SMURF1: variants seen among roughly 807,000 people sequenced by gnomAD.
SMURF1 encodes SMAD specific E3 ubiquitin protein ligase 1, also known as E3 ubiquitin-protein ligase SMURF1.
In SMURF1, 44 loss-of-function variants were observed where a neutral mutation model predicts 98.0. The observed-to-expected ratio is 0.45, with a 90% CI of 0.35 to 0.58. The LOEUF (loss-of-function observed/expected upper bound fraction) is 0.58, where lower values mean the gene tolerates loss of function less well. SMURF1 is among the 20% of genes least tolerant of loss of function. SMURF1 has a pLI of 0.00. For missense variants in SMURF1, 687 were observed against 938.4 expected (o/e 0.73, Z 3.50); for synonymous variants, 396 against 374.9 (o/e 1.06, Z -0.65).
intron 1 of SMURF1, among the ~76,000 whole-genome samples, chr7:99,082,794 T>C (rs1357642243): frequency 6.6e-6 from 1 of 152,210 alleles, no homozygotes; most frequent in Non-Finnish European, 1.5e-5. Context: ...ATAGGTACAG[T>C]GCTGCATCTG....
At chr7:99,110,123 A>T (rs1797286477) in intron 1 of SMURF1, among the ~76,000 whole-genome samples, 1 of 152,252 alleles carries the variant, frequency 6.6e-6, no homozygotes, top group East Asian at 1.9e-4. Context: ...TAATTCAGTA[A>T]GATAACTGGG....
At chr7:99,095,234 C>T (rs372410068) in intron 1 of SMURF1, among the ~76,000 whole-genome samples, 217 of 152,250 alleles carry the variant, frequency 1.4e-3, no homozygotes, top group African/African-American at 5.0e-3. Flanking sequence ...CATGCGCCAC[C>T]ATGTCCGGCT....
At chr7:99,092,532 G>A (rs73399262) in intron 1 of SMURF1, among the ~76,000 whole-genome samples, 1 of 152,246 alleles carries the variant, frequency 6.6e-6, no homozygotes, top group African/African-American at 2.4e-5. Context: ...GCAACAACGC[G>A]CCTTCTCGTT....
intron 1 of SMURF1, among the ~76,000 whole-genome samples, chr7:99,092,844 T>C (rs563543714): frequency 6.6e-6 from 1 of 152,132 alleles, no homozygotes; most frequent in African/African-American, 2.4e-5. Flanking sequence ...TCGAAGACAA[T>C]GTTGCAACTT....
chr7:99,065,711 T>C (rs1796171929), intron 1 of SMURF1, among the ~76,000 whole-genome samples: 1 of 152,120 alleles, frequency 6.6e-6, no homozygotes, highest in African/African-American at 2.4e-5. Flanking sequence ...CCTAGTCCTC[T>C]CCCAGGATCC....
chr7:99,102,650 T>C (rs1262044929), intron 1 of SMURF1, among the ~76,000 whole-genome samples: 2 of 152,204 alleles, frequency 1.3e-5, no homozygotes, highest in Non-Finnish European at 2.9e-5. Flanking sequence ...ACTTTTAAAT[T>C]ATGTATATAC....
At chr7:99,089,223 T>G (rs900973281) in intron 1 of SMURF1, among the ~76,000 whole-genome samples, 4 of 144,166 alleles carry the variant, frequency 2.8e-5, no homozygotes, top group Non-Finnish European at 6.3e-5. Context: ...AAGAAAGAAA[T>G]CAATCAATCA....
chr7:99,117,404 G>C (rs1364040498), intron 1 of SMURF1, among the ~76,000 whole-genome samples: 1 of 151,872 alleles, frequency 6.6e-6, no homozygotes, highest in Non-Finnish European at 1.5e-5. Flanking sequence ...GCTTCAGTAC[G>C]ATAGCATGAT....
intron 1 of SMURF1, 49 bp downstream of exon 1, chr7:99,143,677 G>T: frequency 1.3e-6 from 2 of 1,494,294 alleles, no homozygotes. Context: ...GGAATTCCGG[G>T]GCGGGCGAGG....
intron 1 of SMURF1, among the ~76,000 whole-genome samples, chr7:99,089,064 C>T (rs1202086945): frequency 1.3e-5 from 2 of 152,014 alleles, no homozygotes; most frequent in South Asian, 2.1e-4. Context: ...ATTAGCTAGG[C>T]GTGGTGGCGT....
intron 17 of SMURF1, among the ~76,000 whole-genome samples, chr7:99,032,427 G>C (rs1794937221): frequency 6.6e-6 from 1 of 152,222 alleles, no homozygotes; most frequent in South Asian, 2.1e-4. Context: ...TCAGCACTTT[G>C]GGAGGCCGAG....
At chr7:99,047,020 T>C (rs375092124) in intron 10 of SMURF1, among the ~76,000 whole-genome samples, 3 of 152,152 alleles carry the variant, frequency 2.0e-5, no homozygotes, top group African/African-American at 7.2e-5. Context: ...TTTCTGACAG[T>C]GTCTCCACAA....
rs961347696 is a variant in SMURF1, at chr7:99,060,664, C to T, written c.138G>A (p.Gly46=). Residue 46 remains glycine, a synonymous_variant, in exon 3 of 18, where the codon GGG becomes GGA. Coordinates refer to ENST00000361368, the MANE Select transcript of SMURF1 (RefSeq NM_181349.3). ...PFAKIVVDGS[G]QCHSTDTVKN... Reference sequence around the variant, plus strand: ...TCACAGTGTCGGTTGAGTGGCACTGCCCAGACCCATCCACGACAATCTTTG... The same window carrying T: ...TCACAGTGTCGGTTGAGTGGCACTGTCCAGACCCATCCACGACAATCTTTG... 41 of 1,613,842 alleles carry T rather than the reference C, an allele frequency of 2.5e-5. No homozygotes were observed. The highest frequency in any genetic ancestry group is 3.4e-5 in the Non-Finnish European group (40 of 1,179,970).
intron 1 of SMURF1, among the ~76,000 whole-genome samples, chr7:99,125,093 ATTCG>A (rs1797717154): frequency 7.6e-6 from 1 of 130,812 alleles, no homozygotes; most frequent in Non-Finnish European, 1.7e-5. Flanking sequence ...TCATTCATTC[ATTCG>A]AGACAGGGTC....
intron 1 of SMURF1, among the ~76,000 whole-genome samples, chr7:99,086,149 C>T (rs1296378591): frequency 6.6e-6 from 1 of 151,768 alleles, no homozygotes; most frequent in African/African-American, 2.4e-5. Context: ...AGTTCGAGAC[C>T]AGCCTGGCCA....
intron 10 of SMURF1, 103 bp downstream of exon 10, chr7:99,047,581 C>A: frequency 1.7e-6 from 2 of 1,202,224 alleles, no homozygotes; most frequent in African/African-American, 3.0e-5. Flanking sequence ...CAAAGCAGTT[C>A]ATTTAAAGCA....
intron 11 of SMURF1, among the ~76,000 whole-genome samples, chr7:99,043,672 T>TG (rs1795467086): frequency 6.6e-6 from 1 of 152,206 alleles, no homozygotes; most frequent in South Asian, 2.1e-4. Context: ...ATTTGGCACA[T>TG]ATTTACAGAG....
intron 14 of SMURF1, among the ~76,000 whole-genome samples, chr7:99,037,956 G>GC (rs1795212807): frequency 2.0e-5 from 3 of 152,298 alleles, no homozygotes; most frequent in African/African-American, 7.2e-5. Flanking sequence ...ACACAGACGT[G>GC]CCCACATAGT....
chr7:99,132,699 GACACACACACACAC>G (rs113194877), intron 1 of SMURF1, among the ~76,000 whole-genome samples: 2 of 147,292 alleles, frequency 1.4e-5, no homozygotes, highest in East Asian at 4.0e-4. Flanking sequence ...CAGACACACG[GACACACACACACAC>G]ACACACACAC....
Sources: allele counts gnomAD v4.1 joint callset (sites outside exome capture counted in the v4.1 genomes callset), GRCh38; gene constraint gnomAD v4.1.1; transcripts MANE v1.5; gene names NCBI Gene and HGNC (gene_info 2026-07-23, HGNC 2026-07-21).